SMYD3: variants seen among roughly 807,000 people sequenced by gnomAD.
SMYD3 encodes the protein SET and MYND domain containing 3.
A neutral mutation model predicts 57.7 loss-of-function variants in SMYD3; 36 were observed. That is an observed-to-expected ratio of 0.62 (90% confidence interval 0.48 to 0.82). The LOEUF (loss-of-function observed/expected upper bound fraction) is 0.82, where lower values mean the gene tolerates loss of function less well. Among genes scored for constraint, SMYD3 ranks in the 40% least tolerant of loss-of-function variants. The pLI, the probability that SMYD3 is intolerant of heterozygous loss-of-function variation, is 0.00. For synonymous variants in SMYD3, 211 were observed against 195.0 expected (o/e 1.08, Z -0.68); for missense variants, 515 against 538.8 (o/e 0.96, Z 0.44).
intron 5 of SMYD3, among the ~76,000 whole-genome samples, chr1:246,246,654 G>A (rs1009557278): frequency 6.6e-6 from 1 of 151,906 alleles, no homozygotes; most frequent in Admixed American, 6.6e-5. Flanking sequence ...TTTATAATAT[G>A]CATTAATAGT....
intron 8 of SMYD3, among the ~76,000 whole-genome samples, chr1:245,914,613 C>A (rs1356834175): frequency 3.3e-5 from 5 of 152,072 alleles, no homozygotes; most frequent in Non-Finnish European, 7.4e-5. Flanking sequence ...GTACTAGAGG[C>A]TAAGAAGGTG....
chr1:246,367,685 G>C (rs994261107), intron 1 of SMYD3, among the ~76,000 whole-genome samples: 3 of 152,058 alleles, frequency 2.0e-5, no homozygotes, highest in Non-Finnish European at 4.4e-5. Context: ...GCCCACCTCA[G>C]CCTCCCAAAG....
At chr1:245,909,927 C>A (rs2054848186) in intron 8 of SMYD3, among the ~76,000 whole-genome samples, 1 of 152,114 alleles carries the variant, frequency 6.6e-6, no homozygotes, top group South Asian at 2.1e-4. Context: ...CCACTTTCAC[C>A]ACTTTTACTC....
chr1:246,190,235 C>T (rs75505615), intron 5 of SMYD3, among the ~76,000 whole-genome samples: 4,267 of 152,180 alleles, frequency 0.028, 221 homozygotes, highest in East Asian at 0.22. Flanking sequence ...TAAAATGGTG[C>T]GTATAAAGCA....
At chr1:245,884,475 T>C (rs1427153123) in intron 8 of SMYD3, among the ~76,000 whole-genome samples, 1 of 152,168 alleles carries the variant, frequency 6.6e-6, no homozygotes, top group South Asian at 2.1e-4. Context: ...AGGCAGTGTC[T>C]GATTTACATA....
At chr1:246,133,616 C>T (rs147857532) in intron 5 of SMYD3, among the ~76,000 whole-genome samples, 5 of 152,056 alleles carry the variant, frequency 3.3e-5, no homozygotes, top group African/African-American at 9.7e-5. Context: ...TATGTCATCA[C>T]GATTGGCTGA....
chr1:245,997,534 C>A lies in SMYD3; in HGVS notation c.532-67597G>T, dbSNP rs994490172. Among the ~76,000 whole-genome samples the A allele has an allele frequency of 3.3e-5, 5 of 152,218 alleles. No individual in the cohort carries two copies. In the East Asian group the frequency reaches 9.6e-4, roughly 29 times the overall value. On this transcript the variant is annotated intron_variant, in intron 5 of 11. Coordinates refer to ENST00000490107, the MANE Select transcript of SMYD3 (RefSeq NM_001167740.2). ...TCACTTCCTTGGAGCCGTGAATCAG[C>A]AGTGGCAGGGATTATCTCCCCTGAG...
In SMYD3 at chr1:245,929,955, A is replaced by C; in HGVS notation, c.532-18T>G. ...CAGATCACCTGTAAACACAAGGGGA[A>C]CCATCAGTATTACTAGAGTCACTTA... On this transcript the variant is annotated intron_variant, in intron 5 of 11. Coordinates refer to ENST00000490107, the MANE Select transcript of SMYD3 (RefSeq NM_001167740.2). 8 of 1,607,978 alleles carry C rather than the reference A, an allele frequency of 5.0e-6. No homozygotes were observed. The highest frequency in any genetic ancestry group is 6.8e-6 in the Non-Finnish European group (8 of 1,174,628).
At chr1:245,882,799 A>G (rs1277807667) in intron 8 of SMYD3, among the ~76,000 whole-genome samples, 2 of 152,246 alleles carry the variant, frequency 1.3e-5, no homozygotes, top group Non-Finnish European at 2.9e-5. Flanking sequence ...TCTAAATGAT[A>G]TATCACATAG....
chr1:245,918,773 C>T (rs536901920), intron 7 of SMYD3, among the ~76,000 whole-genome samples: 3 of 152,170 alleles, frequency 2.0e-5, no homozygotes, highest in Non-Finnish European at 4.4e-5. Flanking sequence ...CCCTATGTCC[C>T]CTCTTGGGTT....
intron 5 of SMYD3, among the ~76,000 whole-genome samples, chr1:246,252,192 G>T (rs1458952435): frequency 8.6e-6 from 1 of 115,686 alleles, no homozygotes; most frequent in Non-Finnish European, 1.8e-5. Flanking sequence ...TAGGTGCCTC[G>T]GACACTGTGC....
intron 10 of SMYD3, among the ~76,000 whole-genome samples, chr1:245,825,025 T>A (rs2049403884): frequency 6.6e-6 from 1 of 152,030 alleles, no homozygotes; most frequent in Non-Finnish European, 1.5e-5. Context: ...AACAAGACTC[T>A]GTCTCAAAAG....
chr1:246,236,158 TAA>T (rs1297491334), intron 5 of SMYD3, among the ~76,000 whole-genome samples: 9 of 152,052 alleles, frequency 5.9e-5, no homozygotes, highest in African/African-American at 1.4e-4. Flanking sequence ...GCGTGATTTT[TAA>T]AAGACATTTA....
intron 5 of SMYD3, among the ~76,000 whole-genome samples, chr1:246,279,121 G>A (rs2064391541): frequency 1.3e-5 from 2 of 152,176 alleles, no homozygotes; most frequent in African/African-American, 4.8e-5. Flanking sequence ...GTCCTTTAAA[G>A]CCAGGGCCTT....
chr1:246,122,339 G>A (rs2061437325), intron 5 of SMYD3, among the ~76,000 whole-genome samples: 1 of 152,186 alleles, frequency 6.6e-6, no homozygotes, highest in Non-Finnish European at 1.5e-5. Context: ...CTGAGCCCAG[G>A]TGTTTGAGGC....
chr1:246,506,843 G>GCC (rs1265479457), intron 1 of SMYD3, among the ~76,000 whole-genome samples: 1 of 147,910 alleles, frequency 6.8e-6, no homozygotes, highest in African/African-American at 2.5e-5. Flanking sequence ...CCCCCTCCCA[G>GCC]CCCCGCTGCG....
chr1:245,963,524 C>CT (rs1221854842), intron 5 of SMYD3, among the ~76,000 whole-genome samples: 2 of 151,106 alleles, frequency 1.3e-5, no homozygotes, highest in East Asian at 3.9e-4. Flanking sequence ...GAGGGATAAG[C>CT]TTTTGTGAGT....
At chr1:246,137,219 T>C (rs2061678022) in intron 5 of SMYD3, among the ~76,000 whole-genome samples, 3 of 152,188 alleles carry the variant, frequency 2.0e-5, no homozygotes, top group African/African-American at 7.2e-5. Flanking sequence ...TTCCAGAATA[T>C]TTCATCACTC....
chr1:246,427,260 C>T (rs1032182900), intron 1 of SMYD3, among the ~76,000 whole-genome samples: 4 of 152,304 alleles, frequency 2.6e-5, no homozygotes, highest in Non-Finnish European at 2.9e-5. Context: ...GTGGCTCACG[C>T]CTGTAATCCC....
Sources: gnomAD v4.1 joint callset for allele counts (sites outside exome capture counted in the v4.1 genomes callset) on GRCh38, gnomAD v4.1.1 for gene constraint, MANE v1.5 for transcripts, NCBI Gene and HGNC (gene_info 2026-07-23, HGNC 2026-07-21) for gene names.